The following TMC7 variants were observed in gnomAD, a reference collection of about 807,000 sequenced individuals.
The protein encoded by TMC7 is transmembrane channel-like protein 7.
Under a neutral mutation model 82.9 loss-of-function variants are expected in TMC7, and 54 were observed. The observed-to-expected ratio is 0.65, with a 90% confidence interval of 0.52 to 0.82. The LOEUF (loss-of-function observed/expected upper bound fraction) is 0.82. Among genes scored for constraint, TMC7 ranks in the 40% least tolerant of loss-of-function variants. TMC7 has a pLI of 0.00. For synonymous variants in TMC7, 350 were observed against 337.9 expected (o/e 1.04, Z -0.39); for missense variants, 820 against 901.2 (o/e 0.91, Z 1.15).
intron 1 of TMC7, among the ~76,000 whole-genome samples, chr16:18,994,299 A>C (rs1164270432): frequency 6.6e-6 from 1 of 152,106 alleles, no homozygotes; most frequent in Non-Finnish European, 1.5e-5. Flanking sequence ...CAGCAGCAGC[A>C]GCCGCCACAT....
intron 2 of TMC7, among the ~76,000 whole-genome samples, chr16:19,011,794 T>C (rs949855603): frequency 6.6e-6 from 1 of 152,156 alleles, no homozygotes; most frequent in Non-Finnish European, 1.5e-5. Context: ...ACATTATCTT[T>C]GGTTTTATTT....
intron 1 of TMC7, among the ~76,000 whole-genome samples, chr16:18,992,001 A>G (rs1001017558): frequency 3.3e-5 from 5 of 151,812 alleles, no homozygotes; most frequent in South Asian, 2.1e-4. Context: ...TATCATTGAT[A>G]GACATTTGGG....
At chr16:19,042,787 C>T (rs1405912757) in intron 9 of TMC7, among the ~76,000 whole-genome samples, 1 of 151,650 alleles carries the variant, frequency 6.6e-6, no homozygotes, top group East Asian at 1.9e-4. Context: ...CGCTCTGTCA[C>T]CCAGGCTAGA....
intron 5 of TMC7, among the ~76,000 whole-genome samples, chr16:19,025,631 A>G (rs1960184926): frequency 6.6e-6 from 1 of 152,006 alleles, no homozygotes; most frequent in African/African-American, 2.4e-5. Flanking sequence ...AAACAAAACA[A>G]AACAAAACAA....
intron 12 of TMC7, 60 bp from the exon 13 acceptor site, chr16:19,051,626 T>C (rs1961545101): frequency 1.9e-6 from 3 of 1,594,960 alleles, no homozygotes; most frequent in Admixed American, 3.4e-5. Flanking sequence ...AATGCACTTA[T>C]TTATCTTCAC....
rs576063078 is a variant in TMC7, at chr16:19,034,933, T to C, written c.858-743T>C. Among the ~76,000 whole-genome samples, 55 of 152,230 alleles carry C rather than the reference T, an allele frequency of 3.6e-4. No individual in the cohort carries two copies. The South Asian group carries it at 0.011, about 31-fold the overall frequency. ...AGGCTGTATTAAGGAGTTTGGATTT[T>C]AAAAGAAAATGAATCGTTCTACCAA... On this transcript the variant is annotated intron_variant, in intron 6 of 15. Transcript: ENST00000304381.
At chr16:19,010,413 C>T (rs938260449) in intron 2 of TMC7, among the ~76,000 whole-genome samples, 1 of 152,062 alleles carries the variant, frequency 6.6e-6, no homozygotes, top group East Asian at 1.9e-4. Context: ...CTTGGCCTCC[C>T]AAAGTGCTGG....
intron 2 of TMC7, among the ~76,000 whole-genome samples, chr16:19,013,059 C>T (rs371578672): frequency 2.6e-5 from 4 of 151,420 alleles, no homozygotes; most frequent in East Asian, 4.0e-4. Context: ...TCAGGTGATC[C>T]GCCTGCCTTG....
intron 12 of TMC7, among the ~76,000 whole-genome samples, chr16:19,050,407 AAACTT>A (rs1047012391): frequency 6.6e-6 from 1 of 151,850 alleles, no homozygotes; most frequent in Non-Finnish European, 1.5e-5. Context: ...AAAAAACAAA[AAACTT>A]AAATGAATTC....
Position 19,035,774 on chromosome 16 carries a change from A to G in TMC7, c.956A>G (p.Asn319Ser). The G allele has an allele frequency of 6.2e-7, 1 of 1,612,014 alleles. No individual in the cohort carries two copies. Among genetic ancestry groups the G allele is most frequent in the South Asian group, 1.1e-5 (1 of 90,772 alleles). ...GCCGGCTGGGACTTCTGCATCACTA[A>G]CCGCAGCATGGCGGATCTGAAGCAC... ...IFAGWDFCITNRSMADLKHSS... is the reference protein window; with the variant it reads ...IFAGWDFCITSRSMADLKHSS... The change falls in exon 7 of 16, where the codon AAC (asparagine) becomes AGC (serine). Residue 319 changes from asparagine (N) to serine (S), a missense_variant. Asn to Ser is a conservative substitution (Grantham distance 46). This residue lies in a region of TMC7 where 650 missense variants were observed against 669.9 expected (regional missense o/e 0.97). Transcript: ENST00000304381.
intron 11 of TMC7, 92 bp from the exon 12 acceptor site, chr16:19,046,971 G>A (rs1161108673): frequency 2.7e-6 from 3 of 1,097,652 alleles, no homozygotes; most frequent in Admixed American, 2.4e-5. Flanking sequence ...GTGTCCATGA[G>A]AAATATGCAT....
At chr16:19,002,775 T>C (rs1038623621) in intron 1 of TMC7, among the ~76,000 whole-genome samples, 2 of 152,252 alleles carry the variant, frequency 1.3e-5, no homozygotes, top group African/African-American at 4.8e-5. Context: ...ATCTGAAATA[T>C]GCTACCTGCT....
rs537594697 is a variant in TMC7 at position 19,055,467 on chromosome 16, C to G, written c.1872-1075C>G. Among the ~76,000 whole-genome samples the G allele has an allele frequency of 1.3e-4, 20 of 152,246 alleles. No homozygotes were observed. The East Asian group carries it at 3.5e-3, about 27-fold the overall frequency. ...CCACTTCCTGGGTTCAAGCAACTCT[C>G]GTGCCTCAGCCTCCCGAGTAGCTGG... On this transcript the variant is annotated intron_variant, in intron 13 of 15. Coordinates refer to ENST00000304381, the MANE Select transcript of TMC7 (RefSeq NM_024847.4).
At chr16:19,021,915 T>A in intron 4 of TMC7, 119 bp downstream of exon 4, 1 of 1,231,556 alleles carries the variant, frequency 8.1e-7, no homozygotes, top group South Asian at 1.6e-5. Context: ...TTAGTCAGGA[T>A]GGTCTAGGTT....
At chr16:18,985,351 G>GA (rs542610714) in intron 1 of TMC7, among the ~76,000 whole-genome samples, 3 of 149,724 alleles carry the variant, frequency 2.0e-5, no homozygotes, top group South Asian at 2.1e-4. Flanking sequence ...ATGTCCAGAA[G>GA]AAAAAAAAAA....
At position 19,062,208 on chromosome 16, in the gene TMC7, G is replaced by T. The variant is rs891221715; in HGVS notation, c.*365G>T. Reference sequence around the variant, plus strand: ...TGGGTTGTGGACTGAAGCTCAGCCTGTTAATCAGACCAGCCCATGAGTGTA... The same window carrying T: ...TGGGTTGTGGACTGAAGCTCAGCCTTTTAATCAGACCAGCCCATGAGTGTA... On this transcript the variant is annotated 3_prime_UTR_variant, in exon 16 of 16. Coordinates refer to ENST00000304381, the MANE Select transcript of TMC7 (RefSeq NM_024847.4). The T allele has an allele frequency of 4.9e-6, 1 of 202,628 alleles. No individual in the cohort carries two copies. Among genetic ancestry groups the T allele is most frequent in the African/African-American group, 2.3e-5 (1 of 43,486 alleles). The allele number at this position is 202,628 out of a possible 1,614,324, so 12.6% of individuals were successfully genotyped here. A position where few individuals can be genotyped will look rare whatever the true frequency, so the allele number is the denominator to read the frequency against.
intron 13 of TMC7, among the ~76,000 whole-genome samples, chr16:19,054,963 C>T (rs1437510959): frequency 2.0e-5 from 3 of 151,908 alleles, no homozygotes. Flanking sequence ...GGGCAGGCTG[C>T]TCTTGAACTC....
chr16:19,001,527 T>G (rs1296377857), intron 1 of TMC7, among the ~76,000 whole-genome samples: 2 of 151,974 alleles, frequency 1.3e-5, no homozygotes, highest in African/African-American at 2.4e-5. Flanking sequence ...TTAAAATATA[T>G]GCATATTAAC....
intron 9 of TMC7, among the ~76,000 whole-genome samples, 165 bp downstream of exon 9, chr16:19,040,611 T>C (rs1395253421): frequency 6.6e-6 from 1 of 152,158 alleles, no homozygotes; most frequent in Non-Finnish European, 1.5e-5. Context: ...AATTTGTATA[T>C]ATGGTGAAAT....
Sources: allele counts gnomAD v4.1 joint callset (sites outside exome capture counted in the v4.1 genomes callset), GRCh38; gene constraint gnomAD v4.1.1; regional missense constraint gnomAD v4.1.1; transcripts MANE v1.5; gene names NCBI Gene and HGNC (gene_info 2026-07-23, HGNC 2026-07-21).